The following TEX9 variants were observed in gnomAD, a reference collection of about 807,000 sequenced individuals.
TEX9 encodes the protein testis expressed 9.
Under a neutral mutation model 59.6 loss-of-function variants are expected in TEX9, and 74 were observed. The observed-to-expected ratio is 1.24, with a 90% CI of 1.03 to 1.51. TEX9 has a LOEUF of 1.51. Ranked by LOEUF, TEX9 falls within the 40% of genes most tolerant of loss-of-function variation. The pLI is 0.00. For synonymous variants in TEX9, 186 were observed against 152.2 expected, an observed-to-expected ratio of 1.22 and a Z score of -1.64; for missense variants, 522 against 447.8, an observed-to-expected ratio of 1.17 and a Z score of -1.49.
intron 1 of TEX9, among the ~76,000 whole-genome samples, chr15:56,311,191 G>C (rs1413002369): frequency 2.2e-5 from 3 of 138,228 alleles, no homozygotes; most frequent in African/African-American, 8.4e-5. Flanking sequence ...TGTGCACATT[G>C]TGCAGGTTAG....
At chr15:56,266,356 A>G (rs2044381904) in intron 1 of TEX9, among the ~76,000 whole-genome samples, 1 of 151,092 alleles carries the variant, frequency 6.6e-6, no homozygotes, top group South Asian at 2.1e-4. Flanking sequence ...TTTAAGTTCT[A>G]GGGTACATGT....
intron 2 of TEX9, among the ~76,000 whole-genome samples, chr15:56,372,814 A>T (rs554008066): frequency 6.6e-6 from 1 of 152,356 alleles, no homozygotes; most frequent in African/African-American, 2.4e-5. Flanking sequence ...TATAGGACCA[A>T]GTAAATAGTA....
At chr15:56,441,607 A>C (rs1405436986) in intron 12 of TEX9, among the ~76,000 whole-genome samples, 1 of 152,258 alleles carries the variant, frequency 6.6e-6, no homozygotes, top group Non-Finnish European at 1.5e-5. Context: ...GAAGTTATCA[A>C]CAGAATAAAC....
intron 3 of TEX9, among the ~76,000 whole-genome samples, chr15:56,383,323 C>T (rs561306749): frequency 1.3e-5 from 2 of 152,324 alleles, no homozygotes; most frequent in Admixed American, 1.3e-4. Context: ...TCTTCAATGC[C>T]TCTTTCAATG....
At chr15:56,340,347 A>T (rs1055633282) in intron 1 of TEX9, among the ~76,000 whole-genome samples, 1 of 152,194 alleles carries the variant, frequency 6.6e-6, no homozygotes, top group Non-Finnish European at 1.5e-5. Flanking sequence ...TCTATTTATT[A>T]CCTGACATCC....
At chr15:56,347,936 T>G (rs1806388493) in intron 1 of TEX9, among the ~76,000 whole-genome samples, 1 of 151,910 alleles carries the variant, frequency 6.6e-6, no homozygotes, top group African/African-American at 2.4e-5. Flanking sequence ...TCAATCCAAT[T>G]TAAATATGGG....
At chr15:56,279,079 A>G (rs1371825688) in intron 1 of TEX9, among the ~76,000 whole-genome samples, 5 of 152,148 alleles carry the variant, frequency 3.3e-5, no homozygotes, top group African/African-American at 1.2e-4. Context: ...TTTACTCACA[A>G]CATACATACA....
chr15:56,291,104 A>T (rs2045078077), intron 1 of TEX9, among the ~76,000 whole-genome samples: 1 of 152,232 alleles, frequency 6.6e-6, no homozygotes, highest in South Asian at 2.1e-4. Context: ...AAAGCTTCTG[A>T]TAAGGAAATG....
At chr15:56,365,367 GCC>G, upstream of TEX9, 1 of 1,524,674 alleles carries the variant, frequency 6.6e-7, no homozygotes, top group South Asian at 1.3e-5. Context: ...AGGCGTAGGC[GCC>G]CGGGCGGGAG....
intron 1 of TEX9, among the ~76,000 whole-genome samples, chr15:56,271,078 C>T (rs2141394029): frequency 6.6e-6 from 1 of 152,274 alleles, no homozygotes; most frequent in East Asian, 1.9e-4. Flanking sequence ...TTTTTCCCTT[C>T]ATTTCAACCT....
chr15:56,415,221 CAGA>C (rs1479019656), intron 10 of TEX9, among the ~76,000 whole-genome samples: 1 of 151,818 alleles, frequency 6.6e-6, no homozygotes, highest in Non-Finnish European at 1.5e-5. Context: ...TTTTTCTGTG[CAGA>C]AGCTCTTTAG....
At position 56,427,620 on chromosome 15, in the gene TEX9, G is replaced by T. The variant is rs773397118; in HGVS notation, c.979G>T (p.Glu327Ter). ...CCTTGTGTAGGACATAGCAAATGAA[G>T]AACACAAAAAAATTGAAGTGTTAAA... Residue 327 changes from glutamate to a stop codon, truncating the protein, a stop_gained, in exon 11 of 13, where the codon GAA (glutamate) becomes TAA (stop). Transcript: ENST00000352903. LOFTEE classifies it high-confidence loss of function. 2 of 1,531,890 alleles carry T rather than the reference G, an allele frequency of 1.3e-6. No homozygotes were observed. The highest frequency in any genetic ancestry group is 1.3e-5 in the South Asian group (1 of 76,498). 94.9% of individuals were successfully genotyped at this position (1,531,890 alleles called of 1,614,324 possible).
At chr15:56,336,443 C>G (rs1209393652) in intron 1 of TEX9, among the ~76,000 whole-genome samples, 1 of 152,080 alleles carries the variant, frequency 6.6e-6, no homozygotes, top group Non-Finnish European at 1.5e-5. Context: ...GTAATATCTC[C>G]CAGATTACCA....
chr15:56,320,594 C>T (rs1271545548), intron 1 of TEX9, among the ~76,000 whole-genome samples: 1 of 152,194 alleles, frequency 6.6e-6, no homozygotes, highest in Non-Finnish European at 1.5e-5. Context: ...CTATTTCTAT[C>T]AGATCAGGGT....
intron 1 of TEX9, among the ~76,000 whole-genome samples, chr15:56,277,290 G>A (rs2044694527): frequency 6.6e-6 from 1 of 151,962 alleles, no homozygotes; most frequent in Non-Finnish European, 1.5e-5. Context: ...TTTCTTCCAG[G>A]GTTTTTATGG....
intron 1 of TEX9, among the ~76,000 whole-genome samples, chr15:56,358,280 G>A (rs1243471777): frequency 6.6e-6 from 1 of 151,596 alleles, no homozygotes; most frequent in Non-Finnish European, 1.5e-5. Context: ...AGAATGAGAT[G>A]TCAGGAGGAC....
chr15:56,288,395 C>T (rs2045003271), intron 1 of TEX9, among the ~76,000 whole-genome samples: 1 of 151,758 alleles, frequency 6.6e-6, no homozygotes, highest in Admixed American at 6.6e-5. Context: ...GCTTGAAGGA[C>T]TCTCTTTAGC....
At chr15:56,315,650 A>G (rs1473680608) in intron 1 of TEX9, among the ~76,000 whole-genome samples, 1 of 144,526 alleles carries the variant, frequency 6.9e-6, no homozygotes, top group Non-Finnish European at 1.5e-5. Flanking sequence ...CTTCTCGAGG[A>G]GTATCTTTGT....
At chr15:56,412,567 T>C in intron 10 of TEX9, 131 bp downstream of exon 10, 1 of 1,040,340 alleles carries the variant, frequency 9.6e-7, no homozygotes, top group Non-Finnish European at 1.4e-6. Context: ...AGAAGAAATA[T>C]ATTCATTAGC....
Sources: gnomAD v4.1 joint callset for allele counts (sites outside exome capture counted in the v4.1 genomes callset) on GRCh38, gnomAD v4.1.1 for gene constraint, MANE v1.5 for transcripts, NCBI Gene and HGNC (gene_info 2026-07-23, HGNC 2026-07-21) for gene names.